Variants in PPP2R2A observed in about 807,000 individuals in gnomAD.
PPP2R2A encodes the protein serine/threonine-protein phosphatase 2A 55 kDa regulatory subunit B alpha isoform.
PPP2R2A carries 9 observed loss-of-function variants against 53.2 expected under a neutral mutation model. The ratio of observed to expected loss-of-function variants is 0.17; its 90% CI spans 0.10 to 0.30. The LOEUF (loss-of-function observed/expected upper bound fraction) is 0.30, where lower values mean the gene tolerates loss of function less well. Among genes scored for constraint, PPP2R2A ranks in the 10% least tolerant of loss-of-function variants. The pLI, the probability that PPP2R2A is intolerant of heterozygous loss-of-function variation, is 1.00. For synonymous variants in PPP2R2A, 169 were observed against 174.2 expected, an observed-to-expected ratio of 0.97 and a Z score of 0.23; for missense variants, 235 against 534.6, an observed-to-expected ratio of 0.44 and a Z score of 5.53.
chr8:26,325,284 G>C (rs753167916), intron 2 of PPP2R2A, among the ~76,000 whole-genome samples: 4 of 151,888 alleles, frequency 2.6e-5, no homozygotes, highest in Non-Finnish European at 5.9e-5. Context: ...TGCTATTCTC[G>C]TGATAGTAAG....
intron 2 of PPP2R2A, among the ~76,000 whole-genome samples, chr8:26,324,772 C>G (rs1246287358): frequency 6.6e-6 from 1 of 152,076 alleles, no homozygotes; most frequent in African/African-American, 2.4e-5. Flanking sequence ...AGCAGGGAGG[C>G]TGTACCCTGC....
chr8:26,308,125 A>T (rs982436210), intron 2 of PPP2R2A, among the ~76,000 whole-genome samples: 1 of 152,254 alleles, frequency 6.6e-6, no homozygotes, highest in African/African-American at 2.4e-5. Flanking sequence ...AGTGTACATG[A>T]CAATTAAAAA....
chr8:26,339,322 C>CA (rs1803822651), intron 3 of PPP2R2A, among the ~76,000 whole-genome samples: 1 of 152,120 alleles, frequency 6.6e-6, no homozygotes, highest in African/African-American at 2.4e-5. Flanking sequence ...CTCCGTAAAG[C>CA]AAAGTTGCTT....
intron 2 of PPP2R2A, 103 bp downstream of exon 2, chr8:26,293,843 T>A (rs1448377581): frequency 3.8e-6 from 4 of 1,063,652 alleles, no homozygotes; most frequent in Non-Finnish European, 5.6e-6. Flanking sequence ...TTCAAGATGA[T>A]TTTGTTGTCC....
intron 2 of PPP2R2A, among the ~76,000 whole-genome samples, chr8:26,320,621 A>G (rs758390419): frequency 4.6e-5 from 7 of 152,150 alleles, no homozygotes; most frequent in Non-Finnish European, 8.8e-5. Context: ...TGTCTGTGCA[A>G]TTAGTTCATA....
At chr8:26,352,971 C>T (rs1359365625) in intron 3 of PPP2R2A, among the ~76,000 whole-genome samples, 1 of 152,150 alleles carries the variant, frequency 6.6e-6, no homozygotes, top group Non-Finnish European at 1.5e-5. Flanking sequence ...ATATTATAGT[C>T]TCTTTAAGTG....
At chr8:26,330,030 G>A (rs533763813) in intron 2 of PPP2R2A, among the ~76,000 whole-genome samples, 20 of 152,150 alleles carry the variant, frequency 1.3e-4, no homozygotes, top group Middle Eastern at 3.4e-3. Context: ...AAATAGTCCC[G>A]CCCTGCCCCT....
chr8:26,313,881 A>T (rs1585341751), intron 2 of PPP2R2A, among the ~76,000 whole-genome samples: 1 of 152,220 alleles, frequency 6.6e-6, no homozygotes, highest in African/African-American at 2.4e-5. Context: ...CTTTAACTGT[A>T]AGAGAAAAAA....
chr8:26,325,358 G>T (rs1397538202), intron 2 of PPP2R2A, among the ~76,000 whole-genome samples: 4 of 151,920 alleles, frequency 2.6e-5, no homozygotes, highest in Non-Finnish European at 5.9e-5. Context: ...TTTTTCTCTT[G>T]CCGCCGCCAT....
chr8:26,349,086 A>G (rs934548601), intron 3 of PPP2R2A, among the ~76,000 whole-genome samples: 1 of 152,172 alleles, frequency 6.6e-6, no homozygotes. Flanking sequence ...ACAAGGTTCA[A>G]TAAACTTGTG....
intron 2 of PPP2R2A, among the ~76,000 whole-genome samples, chr8:26,300,850 CAAAAA>C (rs1215311103): frequency 1.3e-5 from 2 of 151,218 alleles, no homozygotes; most frequent in Non-Finnish European, 3.0e-5. Flanking sequence ...GACTCCATCT[CAAAAA>C]AGAAAAGAAA....
chr8:26,363,497 G>T (rs1208013174), intron 7 of PPP2R2A: 2 of 376,498 alleles, frequency 5.3e-6, no homozygotes, highest in Non-Finnish European at 4.7e-6. Context: ...TTAGTCATAT[G>T]ACTGGAAGTA....
intron 2 of PPP2R2A, among the ~76,000 whole-genome samples, chr8:26,296,474 G>A (rs1390710724): frequency 6.6e-6 from 1 of 152,140 alleles, no homozygotes; most frequent in African/African-American, 2.4e-5. Context: ...CTCTTACCAG[G>A]ATCCTGCTCA....
At chr8:26,316,707 A>T (rs1465727445) in intron 2 of PPP2R2A, among the ~76,000 whole-genome samples, 1 of 152,164 alleles carries the variant, frequency 6.6e-6, no homozygotes, top group Non-Finnish European at 1.5e-5. Context: ...TCTGGTGAGG[A>T]CCTACTTTCT....
intron 2 of PPP2R2A, among the ~76,000 whole-genome samples, chr8:26,327,789 A>G (rs140796242): frequency 1.2e-4 from 18 of 152,328 alleles, no homozygotes; most frequent in African/African-American, 4.3e-4. Flanking sequence ...CTAATTAGCT[A>G]TGAGGGGCCA....
chr8:26,358,641 T>C (rs1804916951), intron 4 of PPP2R2A, among the ~76,000 whole-genome samples: 1 of 152,216 alleles, frequency 6.6e-6, no homozygotes, highest in African/African-American at 2.4e-5. Context: ...GTTTCTGTTT[T>C]TATAAAATGG....
In PPP2R2A at chr8:26,362,733, T is replaced by C. The variant is rs1805174345; in HGVS notation, c.687T>C (p.Ile229=). Residue 229 remains isoleucine (I), a synonymous_variant, in exon 7 of 10, where the codon ATT becomes ATC. Coordinates refer to ENST00000380737, the MANE Select transcript of PPP2R2A (RefSeq NM_002717.4). The surrounding 1 kb of genome is among the most constrained non-coding windows in gnomAD (Gnocchi z 4.4). The part of the protein sequence containing the change: ...PANMEELTEV[I]TAAEFHPNSC... ...ATATGGAAGAGCTAACAGAGGTGAT[T>C]ACAGCAGCAGAATTTCATCCAAACA... The C allele has an allele frequency of 1.2e-6, 2 of 1,614,090 alleles. No homozygotes were observed. The highest frequency in any genetic ancestry group is 1.7e-6 in the Non-Finnish European group (2 of 1,179,962).
chr8:26,335,266 T>A (rs1052236174), intron 2 of PPP2R2A, among the ~76,000 whole-genome samples: 3 of 152,198 alleles, frequency 2.0e-5, no homozygotes, highest in Non-Finnish European at 4.4e-5. Context: ...AGTGAGACTG[T>A]GAGACATTGG....
At chr8:26,318,266 A>C (rs1563293683) in intron 2 of PPP2R2A, among the ~76,000 whole-genome samples, 1 of 152,160 alleles carries the variant, frequency 6.6e-6, no homozygotes, top group East Asian at 1.9e-4. Context: ...TCCTAATTCA[A>C]ATAGTTTAAT....
Sources: allele counts gnomAD v4.1 joint callset (sites outside exome capture counted in the v4.1 genomes callset), GRCh38; gene constraint gnomAD v4.1.1; non-coding constraint Gnocchi (gnomAD v3.1); transcripts MANE v1.5; gene names NCBI Gene and HGNC (gene_info 2026-07-23, HGNC 2026-07-21).